Variants in MMP16 observed in about 807,000 individuals in gnomAD.
The protein encoded by MMP16 is matrix metalloproteinase-16.
In MMP16, 12 loss-of-function variants were observed where a neutral mutation model predicts 67.8. The ratio of observed to expected loss-of-function variants is 0.18; its 90% confidence interval spans 0.11 to 0.29. The LOEUF is 0.29. MMP16 is among the 10% of genes least tolerant of loss of function. The probability of loss-of-function intolerance (pLI) is 1.00; values close to 1 mark genes in which losing one functional copy is unlikely to be tolerated. For missense variants in MMP16, 475 were observed against 765.7 expected (o/e 0.62, Z 4.48); for synonymous variants, 249 against 255.9 (o/e 0.97, Z 0.26).
chr8:88,181,958 A>C lies in MMP16; in HGVS notation c.404+4518T>G, dbSNP rs527589445. Among the ~76,000 whole-genome samples, 26 of 152,222 alleles carry C rather than the reference A, an allele frequency of 1.7e-4. No homozygotes were observed. In the South Asian group the frequency reaches 4.6e-3, roughly 27 times the overall value. On this transcript the variant is annotated intron_variant, in intron 3 of 9. Transcript: ENST00000286614. The stretch of plus-strand genomic sequence containing the variant: ...AGAACAACTGGACATTCACAAGTAA[A>C]AGAAGTGAATCTAGACACAGACTTT...
chr8:88,078,413 T>G (rs1808688610), intron 6 of MMP16, among the ~76,000 whole-genome samples: 1 of 152,130 alleles, frequency 6.6e-6, no homozygotes, highest in South Asian at 2.1e-4. Flanking sequence ...GAAATTCTGT[T>G]TATTATTCTT....
rs1303058711 is a variant in MMP16, at chr8:88,033,586, T to C, written c.*7875A>G. ...AAGTTAAGTTTATTAAAAGTTATAT[T>C]AGCGCAAAATTGAACTAGTAAACTC... On this transcript the variant is annotated 3_prime_UTR_variant, in exon 10 of 10. Transcript: ENST00000286614. 1 of 151,960 alleles carries C rather than the reference T, an allele frequency of 6.6e-6. No homozygotes were observed. 9.4% of individuals were successfully genotyped at this position (151,960 alleles called of 1,614,324 possible).
At chr8:88,154,544 A>T (rs1278925998) in intron 4 of MMP16, among the ~76,000 whole-genome samples, 2 of 151,752 alleles carry the variant, frequency 1.3e-5, no homozygotes, top group East Asian at 3.9e-4. Flanking sequence ...GCCATAAAAA[A>T]TGATGAGTTC....
intron 4 of MMP16, among the ~76,000 whole-genome samples, chr8:88,125,496 A>G (rs1807912257): frequency 6.6e-6 from 1 of 151,988 alleles, no homozygotes; most frequent in Non-Finnish European, 1.5e-5. Flanking sequence ...ATTTAATTAA[A>G]CAAATATTTT....
chr8:88,168,704 T>C (rs1467709005), intron 3 of MMP16, among the ~76,000 whole-genome samples: 1 of 152,132 alleles, frequency 6.6e-6, no homozygotes, highest in Non-Finnish European at 1.5e-5. Context: ...AGCTTTTTTC[T>C]AAACAACAAA....
intron 1 of MMP16, among the ~76,000 whole-genome samples, chr8:88,259,012 C>A (rs1410030360): frequency 6.6e-6 from 1 of 152,204 alleles, no homozygotes; most frequent in Non-Finnish European, 1.5e-5. Context: ...ATGCCTCCTG[C>A]CTGCCTTCCT....
intron 1 of MMP16, among the ~76,000 whole-genome samples, chr8:88,230,922 A>G (rs1324737162): frequency 6.6e-6 from 1 of 152,156 alleles, no homozygotes; most frequent in Admixed American, 6.5e-5. Context: ...TAAGACACTT[A>G]GTGAAAGACC....
chr8:88,260,373 CT>C (rs1810368446), intron 1 of MMP16, among the ~76,000 whole-genome samples: 1 of 151,880 alleles, frequency 6.6e-6, no homozygotes, highest in African/African-American at 2.4e-5. Flanking sequence ...ACTTATTTTC[CT>C]TGCTACTTAA....
chr8:88,160,120 C>A (rs763032386), intron 4 of MMP16, among the ~76,000 whole-genome samples: 1 of 151,930 alleles, frequency 6.6e-6, no homozygotes, highest in Non-Finnish European at 1.5e-5. Context: ...ATCCCTCCCC[C>A]TTCCCCCAAT....
chr8:88,289,405 C>T (rs555785701), intron 1 of MMP16, among the ~76,000 whole-genome samples: 6 of 152,182 alleles, frequency 3.9e-5, no homozygotes, highest in Non-Finnish European at 7.4e-5. Flanking sequence ...TATAATAGCA[C>T]ATGTAGATGA....
intron 1 of MMP16, among the ~76,000 whole-genome samples, chr8:88,235,850 C>T (rs560545985): frequency 6.6e-6 from 1 of 151,912 alleles, no homozygotes; most frequent in African/African-American, 2.4e-5. Context: ...GTTTTCTATA[C>T]ACATTTGTAT....
chr8:88,135,224 T>A (rs1808098995), intron 4 of MMP16, among the ~76,000 whole-genome samples: 1 of 151,830 alleles, frequency 6.6e-6, no homozygotes, highest in African/African-American at 2.4e-5. Flanking sequence ...TGACTGTTAA[T>A]GAGCTTAGTC....
intron 1 of MMP16, among the ~76,000 whole-genome samples, chr8:88,275,344 A>G (rs1185512254): frequency 6.6e-6 from 1 of 152,018 alleles, no homozygotes; most frequent in Non-Finnish European, 1.5e-5. Context: ...ATAAGCATAA[A>G]CAGTTATATA....
chr8:88,292,466 C>A (rs1181607698), intron 1 of MMP16, among the ~76,000 whole-genome samples: 2 of 152,152 alleles, frequency 1.3e-5, no homozygotes, highest in African/African-American at 4.8e-5. Flanking sequence ...AGCTACTCTC[C>A]TAGCTAGACA....
intron 6 of MMP16, among the ~76,000 whole-genome samples, chr8:88,095,408 A>G (rs1313296393): frequency 6.6e-6 from 1 of 151,668 alleles, no homozygotes; most frequent in Admixed American, 6.6e-5. Flanking sequence ...TTAGGGTAAG[A>G]TGCATAACTC....
chr8:88,327,153 C>T lies in MMP16; in HGVS notation c.54G>A (p.Ser18=), dbSNP rs1448964785. The T allele has an allele frequency of 2.2e-5, 35 of 1,613,982 alleles. No homozygotes were observed. The highest frequency in any genetic ancestry group is 2.9e-5 in the Non-Finnish European group (34 of 1,180,012). ...GCAAGGTTTGCAAGAAAAACACCCC[C>T]GAATGATGCACGAAATCCAACCGTC... is the stretch of plus-strand genomic sequence containing the variant. ...TGRRLDFVHH[S]GVFFLQTLLW... Residue 18 remains serine (S), a synonymous_variant, in exon 1 of 10, where the codon TCG becomes TCA. Transcript: ENST00000286614.
intron 1 of MMP16, among the ~76,000 whole-genome samples, chr8:88,198,973 T>C (rs1234627081): frequency 1.3e-5 from 2 of 152,104 alleles, no homozygotes; most frequent in African/African-American, 4.8e-5. Flanking sequence ...TTATTTAATA[T>C]GAAAGTCAAT....
rs73287446 is a variant in MMP16 at position 88,067,379 on chromosome 8, C to T, written c.1222+7226G>A. Among the ~76,000 whole-genome samples, 1,135 of 152,054 alleles carry T rather than the reference C, an allele frequency of 7.5e-3. 11 individuals carry two copies. The highest frequency in any genetic ancestry group is 0.026 in the African/African-American group (1,085 of 41,504). On this transcript the variant is annotated intron_variant, in intron 7 of 9. Transcript: ENST00000286614. ...GTATATTTAAATGTATGAAATATTT[C>T]GTAATTGATTCCAACATAAACTTAT... is the stretch of plus-strand genomic sequence containing the variant.
intron 6 of MMP16, among the ~76,000 whole-genome samples, chr8:88,091,848 A>G (rs1237338713): frequency 1.3e-5 from 2 of 151,866 alleles, no homozygotes; most frequent in Admixed American, 6.6e-5. Flanking sequence ...CCACACTTCA[A>G]GTGCTTAATA....
Sources: allele counts gnomAD v4.1 joint callset (sites outside exome capture counted in the v4.1 genomes callset), GRCh38; gene constraint gnomAD v4.1.1; transcripts MANE v1.5; gene names NCBI Gene and HGNC (gene_info 2026-07-23, HGNC 2026-07-21).